The following EYS variants were observed in gnomAD, a reference collection of about 807,000 sequenced individuals.
The protein encoded by EYS is EGF-like photoreceptor maintenance factor, also known as protein eyes shut homolog.
EYS carries 250 observed loss-of-function variants against 282.1 expected under a neutral mutation model. The ratio of observed to expected loss-of-function variants is 0.89; its 90% confidence interval spans 0.80 to 0.98. The LOEUF is 0.98. EYS is among the 50% of genes least tolerant of loss of function. The pLI is 0.00. For missense variants in EYS, 4,016 were observed against 3,709.0 expected (o/e 1.08, Z -2.15); for synonymous variants, 1,355 against 1,282.9 (o/e 1.06, Z -1.20).
intron 5 of EYS, among the ~76,000 whole-genome samples, chr6:65,473,845 CT>C (rs1765303236): frequency 7.4e-6 from 1 of 135,546 alleles, no homozygotes; most frequent in Non-Finnish European, 1.6e-5. Flanking sequence ...GGATTTTTGT[CT>C]CAAAAAAAAA....
intron 14 of EYS, among the ~76,000 whole-genome samples, chr6:64,947,658 T>C (rs1190286142): frequency 1.3e-5 from 2 of 151,320 alleles, no homozygotes; most frequent in East Asian, 1.9e-4. Flanking sequence ...TTTTTCTTTT[T>C]TTTTTTTTTT....
intron 41 of EYS, among the ~76,000 whole-genome samples, chr6:63,727,732 A>AG (rs1768669012): frequency 7.5e-5 from 7 of 93,592 alleles, no homozygotes; most frequent in Admixed American, 1.2e-4. Flanking sequence ...AAAAAAAAAA[A>AG]AAAAAATATA....
chr6:64,932,670 A>G (rs1049808491), intron 15 of EYS, among the ~76,000 whole-genome samples: 1 of 152,022 alleles, frequency 6.6e-6, no homozygotes, highest in Admixed American at 6.6e-5. Flanking sequence ...AGCAGGAAGT[A>G]AAGAATAAAG....
At chr6:65,443,575 T>G (rs1434407362) in intron 5 of EYS, among the ~76,000 whole-genome samples, 5 of 151,768 alleles carry the variant, frequency 3.3e-5, no homozygotes, top group Non-Finnish European at 5.9e-5. Context: ...CACACATATG[T>G]GTATATACAC....
chr6:63,804,738 C>T (rs1280463747), intron 37 of EYS, among the ~76,000 whole-genome samples: 1 of 152,118 alleles, frequency 6.6e-6, no homozygotes. Flanking sequence ...ATTCTAAGTG[C>T]AGTAAAAAGC....
At chr6:64,525,589 G>A (rs1777891625) in intron 26 of EYS, among the ~76,000 whole-genome samples, 1 of 151,572 alleles carries the variant, frequency 6.6e-6, no homozygotes, top group South Asian at 2.1e-4. Flanking sequence ...TAGTACCTGG[G>A]TGATGAAATA....
chr6:64,943,022 C>T (rs1185756639), intron 15 of EYS, among the ~76,000 whole-genome samples: 1 of 151,946 alleles, frequency 6.6e-6, no homozygotes, highest in Non-Finnish European at 1.5e-5. Flanking sequence ...AATTCTCCAA[C>T]TAAGCTTCAT....
chr6:64,837,766 C>T (rs1031626132), intron 19 of EYS, among the ~76,000 whole-genome samples: 13 of 149,498 alleles, frequency 8.7e-5, no homozygotes, highest in African/African-American at 3.2e-4. Flanking sequence ...CTGCAGGATA[C>T]AAAATCAACT....
At position 64,448,304 on chromosome 6, in the gene EYS, G is replaced by C. The variant is rs537944641; in HGVS notation, c.5645-8952C>G. 9.1e-4 allele frequency among the ~76,000 whole-genome samples: 138 copies of C among 152,340 alleles called. No homozygotes were observed. The Middle Eastern group carries it at 0.024, about 26-fold the overall frequency. On this transcript the variant is annotated intron_variant, in intron 26 of 42. Coordinates refer to ENST00000503581, the MANE Select transcript of EYS (RefSeq NM_001142800.2). Reference sequence around the variant, plus strand: ...CAAACTGCAAGGTGGCAGTGAGCCTGGGGGAGGGGCGCCAGCCATTGCTTG... The same window carrying C: ...CAAACTGCAAGGTGGCAGTGAGCCTCGGGGAGGGGCGCCAGCCATTGCTTG...
intron 39 of EYS, chr6:63,778,988 A>G (rs1014860776): frequency 7.2e-5 from 11 of 151,972 alleles, no homozygotes; most frequent in Non-Finnish European, 1.2e-4. Flanking sequence ...GTCTCCTTAT[A>G]TAATGAGGAC....
chr6:65,283,077 A>T (rs1582098373), intron 12 of EYS, among the ~76,000 whole-genome samples: 2 of 152,070 alleles, frequency 1.3e-5, no homozygotes, highest in South Asian at 4.1e-4. Flanking sequence ...AATTTAAAAA[A>T]TTTGATATTT....
intron 8 of EYS, among the ~76,000 whole-genome samples, chr6:65,382,477 G>GTGTGTGTGTC (rs1765654567): frequency 6.6e-6 from 1 of 150,810 alleles, no homozygotes; most frequent in Non-Finnish European, 1.5e-5. Context: ...GTGTGTGTGT[G>GTGTGTGTGTC]TGTGTGTGTG....
At chr6:65,203,501 C>T (rs1765953809) in intron 12 of EYS, among the ~76,000 whole-genome samples, 1 of 152,114 alleles carries the variant, frequency 6.6e-6, no homozygotes, top group Admixed American at 6.6e-5. Context: ...TATACAGAGC[C>T]TTGGCCCCAT....
chr6:65,125,036 C>T (rs1048623429), intron 12 of EYS, among the ~76,000 whole-genome samples: 13 of 152,176 alleles, frequency 8.5e-5, no homozygotes, highest in African/African-American at 2.9e-4. Flanking sequence ...AGCAGGAAAG[C>T]TTTAACACTT....
chr6:64,657,001 A>G (rs1246433872), intron 22 of EYS, among the ~76,000 whole-genome samples: 2 of 152,132 alleles, frequency 1.3e-5, no homozygotes, highest in East Asian at 3.9e-4. Context: ...GTCTCTTTCT[A>G]GGTCTCTAAG....
In EYS at chr6:64,591,885, T is replaced by A. The variant is rs2149832542; in HGVS notation, c.3982A>T (p.Ile1328Phe). The change falls in exon 26 of 43, where the codon ATT (isoleucine) becomes TTT (phenylalanine). Residue 1328 changes from isoleucine (I) to phenylalanine (F), a missense_variant. Transcript: ENST00000503581. Reference sequence around the variant, plus strand: ...TTTGCTGAAAGCTCTCTAGTGACAATCAGTTCTTGGAGTAAGTAGCTTTCC... The same window carrying A: ...TTTGCTGAAAGCTCTCTAGTGACAAACAGTTCTTGGAGTAAGTAGCTTTCC... ...PLESYLLQELIVTRELSAKHS... is the reference protein window; with the variant it reads ...PLESYLLQELFVTRELSAKHS... The A allele has an allele frequency of 6.4e-7, 1 of 1,551,012 alleles. No homozygotes were observed.
At chr6:65,527,556 T>C (rs1767615130) in intron 2 of EYS, among the ~76,000 whole-genome samples, 1 of 152,134 alleles carries the variant, frequency 6.6e-6, no homozygotes, top group Admixed American at 6.5e-5. Context: ...CACAGAAAAG[T>C]CATAAATGTC....
chr6:64,175,842 TG>T (rs965323171), intron 31 of EYS, among the ~76,000 whole-genome samples: 1 of 151,900 alleles, frequency 6.6e-6, no homozygotes, highest in African/African-American at 2.4e-5. Context: ...GGACCTAAAA[TG>T]GGGTATATAT....
Position 65,440,840 on chromosome 6 carries a change from T to TATG in EYS, c.863-35476_863-35474dup, listed in dbSNP as rs532703063. Among the ~76,000 whole-genome samples the TATG allele has an allele frequency of 5.8e-3, 841 of 144,864 alleles. 11 individuals carry two copies. The highest frequency in any genetic ancestry group is 7.7e-3 in the Non-Finnish European group (515 of 66,844). On this transcript the variant is annotated intron_variant, in intron 5 of 42. Coordinates refer to ENST00000503581, the MANE Select transcript of EYS (RefSeq NM_001142800.2). Reference sequence around the variant, plus strand: ...TTAATTCCTTTGTGTAGAAAAAAAATATGTGTATATATATATATATAGATT... The same window carrying TATG: ...TTAATTCCTTTGTGTAGAAAAAAAATATGATGTGTATATATATATATATAGATT...
Sources: allele counts gnomAD v4.1 joint callset (sites outside exome capture counted in the v4.1 genomes callset), GRCh38; gene constraint gnomAD v4.1.1; transcripts MANE v1.5; gene names NCBI Gene and HGNC (gene_info 2026-07-23, HGNC 2026-07-21).